The following PDE4C variants were observed in gnomAD, a reference collection of about 807,000 sequenced individuals.
PDE4C encodes 3',5'-cyclic-AMP phosphodiesterase 4C.
Under a neutral mutation model 63.9 loss-of-function variants are expected in PDE4C, and 50 were observed. The ratio of observed to expected loss-of-function variants is 0.78; its 90% CI spans 0.62 to 0.99. The LOEUF is 0.99. Among genes scored for constraint, PDE4C ranks in the 50% least tolerant of loss-of-function variants. PDE4C has a pLI of 0.00. For synonymous variants in PDE4C, 377 were observed against 385.1 expected (o/e 0.98, Z 0.25); for missense variants, 777 against 899.1 (o/e 0.86, Z 1.74).
intron 1 of PDE4C, among the ~76,000 whole-genome samples, chr19:18,222,795 G>A (rs1402766930): frequency 5.2e-5 from 7 of 134,278 alleles, no homozygotes; most frequent in African/African-American, 8.4e-5. Flanking sequence ...AATCTCCTAA[G>A]CTCAAGCCAT....
chr19:18,224,173 T>TG (rs1331989687), intron 1 of PDE4C: 8 of 972,838 alleles, frequency 8.2e-6, no homozygotes, highest in East Asian at 2.3e-4. Flanking sequence ...TCCTCCTCTT[T>TG]GGGGTCAGAG....
At chr19:18,249,573 C>A (rs574448356), upstream of PDE4C, among the ~76,000 whole-genome samples, 3 of 127,130 alleles carry the variant, frequency 2.4e-5, no homozygotes, top group African/African-American at 3.4e-5. Flanking sequence ...CTACGCCTGG[C>A]CCTATTTTTT....
At chr19:18,229,824 G>A (rs915670112), upstream of PDE4C, among the ~76,000 whole-genome samples, 2 of 151,756 alleles carry the variant, frequency 1.3e-5, no homozygotes, top group African/African-American at 4.8e-5. Flanking sequence ...CCCTCCCATG[G>A]CCCCCCATTG....
chr19:18,211,246 G>C (rs767924236), exon 15 of PDE4C: 1 of 1,601,552 alleles, frequency 6.2e-7, no homozygotes, highest in Non-Finnish European at 8.5e-7. Context: ...GTCTCCCACA[G>C]TGGGTGAGCA....
the PDE4C span, among the ~76,000 whole-genome samples, chr19:18,254,067 C>T: frequency 6.6e-6 from 1 of 152,212 alleles, no homozygotes; most frequent in Non-Finnish European, 1.5e-5. Flanking sequence ...TGTAGCCCCC[C>T]AGGCCCTGTG....
exon 15 of PDE4C, chr19:18,210,647 C>G (rs1220223084): frequency 3.0e-6 from 1 of 336,190 alleles, no homozygotes; most frequent in Non-Finnish European, 5.4e-6. Context: ...GCAGACAGCA[C>G]CTCTCCTCAC....
At chr19:18,217,478 GT>G (rs1309056279) in intron 11 of PDE4C, among the ~76,000 whole-genome samples, 1 of 100,782 alleles carries the variant, frequency 9.9e-6, no homozygotes, top group Non-Finnish European at 2.4e-5. Context: ...TGGACTCTAG[GT>G]CCTTTTGAGT....
upstream of PDE4C, chr19:18,248,282 G>T (rs1969168092): frequency 2.2e-6 from 1 of 453,320 alleles, no homozygotes; most frequent in African/African-American, 2.0e-5. Flanking sequence ...CACCCACTCA[G>T]CGGAGCCCCT....
At chr19:18,233,664 G>T (rs186228014) in exon 1 of PDE4C, 13 of 366,224 alleles carry the variant, frequency 3.5e-5, no homozygotes, top group Admixed American at 1.4e-4. Context: ...AGAGAAAAAG[G>T]TAGCTTTGGG....
chr19:18,241,255 G>GTTTTT (rs200717537), intron 1 of PDE4C, among the ~76,000 whole-genome samples: 11 of 78,516 alleles, frequency 1.4e-4, no homozygotes, highest in African/African-American at 1.5e-4. Flanking sequence ...TTCTTCTCTT[G>GTTTTT]TTTTTTTTTT....
chr19:18,244,689 G>T (rs989795339), intron 1 of PDE4C, among the ~76,000 whole-genome samples: 7 of 151,618 alleles, frequency 4.6e-5, no homozygotes, highest in Non-Finnish European at 8.8e-5. Context: ...ATTTTGTATT[G>T]TTAGTAGAGA....
chr19:18,223,436 C>T (rs1184389855), intron 1 of PDE4C, among the ~76,000 whole-genome samples: 1 of 152,134 alleles, frequency 6.6e-6, no homozygotes, highest in African/African-American at 2.4e-5. Flanking sequence ...TCTTGAACTC[C>T]CGACCTCAGG....
rs544755635 is a variant in PDE4C, at chr19:18,218,695, G to C, written c.970-197C>G. ...ACCCTACAGGACTGGGGGTGTCTCTGTCCAGCTCTTCTCTCCAGATTTCTC... is the reference window on the plus strand; with the variant it reads ...ACCCTACAGGACTGGGGGTGTCTCTCTCCAGCTCTTCTCTCCAGATTTCTC... On this transcript the variant is annotated intron_variant, in intron 9 of 14. Coordinates refer to ENST00000262805, the Ensembl canonical transcript of PDE4C. 1.5e-4 allele frequency among the ~76,000 whole-genome samples: 23 copies of C among 152,366 alleles called. No individual in the cohort carries two copies. In the South Asian group the frequency reaches 4.8e-3, roughly 32 times the overall value.
chr19:18,247,886 C>T (rs936164865), intron 1 of PDE4C, among the ~76,000 whole-genome samples: 2 of 152,156 alleles, frequency 1.3e-5, no homozygotes, highest in Non-Finnish European at 2.9e-5. Context: ...ACCACAGGCA[C>T]CAGTGTGAGA....
At chr19:18,232,923 C>T in intron 1 of PDE4C, 1 of 1,425,980 alleles carries the variant, frequency 7.0e-7, no homozygotes, top group Non-Finnish European at 9.2e-7. Flanking sequence ...CCCCGCGCTG[C>T]AGGAGGCCCC....
chr19:18,252,615 T>TG, upstream of PDE4C: 2 of 376,980 alleles, frequency 5.3e-6, no homozygotes, highest in Non-Finnish European at 4.6e-6. Context: ...TTTCTCTCTC[T>TG]CTTTTTTTTT....
exon 15 of PDE4C, chr19:18,210,595 G>T: frequency 4.5e-6 from 1 of 222,686 alleles, no homozygotes; most frequent in Non-Finnish European, 8.8e-6. Flanking sequence ...TGACAGATGT[G>T]ACTCAAGAGT....
chr19:18,244,982 C>T (rs1306458202), intron 1 of PDE4C, among the ~76,000 whole-genome samples: 3 of 151,910 alleles, frequency 2.0e-5, no homozygotes, highest in Non-Finnish European at 2.9e-5. Context: ...ACTGCAGGCG[C>T]GTGCCACCAT....
chr19:18,240,808 G>A, intron 1 of PDE4C, among the ~76,000 whole-genome samples: 1 of 152,250 alleles, frequency 6.6e-6, no homozygotes, highest in Non-Finnish European at 1.5e-5. Flanking sequence ...GGGAGGAAGA[G>A]GGTGCGGAGA....
Sources: gnomAD v4.1 joint callset for allele counts (sites outside exome capture counted in the v4.1 genomes callset) on GRCh38, gnomAD v4.1.1 for gene constraint, MANE v1.5 for transcripts, NCBI Gene and HGNC (gene_info 2026-07-23, HGNC 2026-07-21) for gene names.